The following OPCML variants were observed in gnomAD, a reference collection of about 807,000 sequenced individuals.
OPCML encodes opioid binding protein/cell adhesion molecule like.
In OPCML, 13 loss-of-function variants were observed where a neutral mutation model predicts 37.8. That is an observed-to-expected ratio of 0.34 (90% CI 0.22 to 0.55). OPCML has a LOEUF of 0.55. Ranked by LOEUF, OPCML falls within the 20% of genes least tolerant of loss-of-function variation. The pLI is 0.91. For synonymous variants in OPCML, 176 were observed against 168.8 expected (o/e 1.04, Z -0.33); for missense variants, 341 against 435.6 (o/e 0.78, Z 1.93).
intron 2 of OPCML, among the ~76,000 whole-genome samples, 198 bp downstream of exon 2, chr11:132,942,728 C>G (rs147191949): frequency 0.013 from 1,955 of 152,332 alleles, 28 homozygotes; most frequent in Non-Finnish European, 0.018. Context: ...AGATCCTGGA[C>G]CAGCATAGCC....
chr11:133,478,109 G>C (rs1352674898), intron 1 of OPCML, among the ~76,000 whole-genome samples: 3 of 152,128 alleles, frequency 2.0e-5, no homozygotes, highest in African/African-American at 7.2e-5. Flanking sequence ...ATTGGAAAAG[G>C]GGCAAATCTG....
intron 1 of OPCML, among the ~76,000 whole-genome samples, chr11:133,478,619 T>C (rs565396668): frequency 1.3e-5 from 2 of 152,310 alleles, no homozygotes; most frequent in African/African-American, 4.8e-5. Context: ...GTAACACAAA[T>C]GGAGTAAGAC....
intron 4 of OPCML, among the ~76,000 whole-genome samples, chr11:132,504,125 T>G (rs942526589): frequency 6.6e-6 from 1 of 152,190 alleles, no homozygotes; most frequent in African/African-American, 2.4e-5. Context: ...TGAAGAATAA[T>G]CTAGTTCCTA....
chr11:133,039,635 A>G lies in OPCML; in HGVS notation c.62-96625T>C, dbSNP rs78848871. Among the ~76,000 whole-genome samples the G allele has an allele frequency of 6.9e-3, 1,051 of 152,268 alleles. 11 individuals are homozygous for G. Among genetic ancestry groups the G allele is most frequent in the African/African-American group, 0.024 (988 of 41,556 alleles). On this transcript the variant is annotated intron_variant, in intron 1 of 7. Coordinates refer to ENST00000524381, the MANE Select transcript of OPCML (RefSeq NM_001012393.5). The stretch of plus-strand genomic sequence containing the variant: ...CCCCAGATGCCAGGACCAGGGAGGT[A>G]CGGCTCATGAATCCCAGTGGCCTCA...
chr11:132,687,533 G>A (rs1943219828), intron 2 of OPCML, among the ~76,000 whole-genome samples: 1 of 149,648 alleles, frequency 6.7e-6, no homozygotes, highest in Admixed American at 6.7e-5. Context: ...CCTTTCCTCA[G>A]CATAGAAAAT....
intron 1 of OPCML, among the ~76,000 whole-genome samples, chr11:133,207,256 A>C (rs961072578): frequency 2.0e-5 from 3 of 152,018 alleles, no homozygotes; most frequent in South Asian, 2.1e-4. Context: ...GCCGAGATCA[A>C]GCCACTGCCC....
chr11:133,111,738 G>T (rs1949256243), intron 1 of OPCML, among the ~76,000 whole-genome samples: 1 of 152,192 alleles, frequency 6.6e-6, no homozygotes, highest in Admixed American at 6.5e-5. Context: ...GCCAGGAAGG[G>T]TGTTTTGTTT....
chr11:133,239,273 C>T (rs1279306427), intron 1 of OPCML, among the ~76,000 whole-genome samples: 1 of 152,236 alleles, frequency 6.6e-6, no homozygotes, highest in Non-Finnish European at 1.5e-5. Flanking sequence ...GTCTGACATT[C>T]TTTTGCCAGC....
chr11:132,665,347 A>AG (rs1485958594), intron 2 of OPCML, among the ~76,000 whole-genome samples: 1 of 152,206 alleles, frequency 6.6e-6, no homozygotes, highest in African/African-American at 2.4e-5. Context: ...GACGCAAACA[A>AG]GGGGAATCTC....
At chr11:133,305,284 G>T (rs184027687) in intron 1 of OPCML, among the ~76,000 whole-genome samples, 2 of 152,106 alleles carry the variant, frequency 1.3e-5, no homozygotes, top group Non-Finnish European at 2.9e-5. Context: ...CTTCCCCCCT[G>T]TACCCCTCTC....
chr11:132,613,827 G>A (rs1394477096), intron 3 of OPCML, among the ~76,000 whole-genome samples: 1 of 152,098 alleles, frequency 6.6e-6, no homozygotes, highest in Non-Finnish European at 1.5e-5. Context: ...GAAATTTCTA[G>A]GAGCACATTA....
At chr11:133,034,134 T>C (rs766497067) in intron 1 of OPCML, among the ~76,000 whole-genome samples, 11 of 152,176 alleles carry the variant, frequency 7.2e-5, no homozygotes, top group African/African-American at 2.4e-4. Flanking sequence ...GCTGAGGGGA[T>C]GCTCCTATAG....
intron 1 of OPCML, among the ~76,000 whole-genome samples, chr11:133,280,094 A>G (rs752467138): frequency 2.0e-5 from 3 of 152,204 alleles, no homozygotes; most frequent in South Asian, 4.1e-4. Flanking sequence ...GTGAAGATGG[A>G]TATGGCCTCT....
intron 4 of OPCML, among the ~76,000 whole-genome samples, chr11:132,468,598 T>C (rs1044953578): frequency 1.3e-5 from 2 of 152,210 alleles, no homozygotes; most frequent in Non-Finnish European, 2.9e-5. Context: ...AAATTGATTC[T>C]TTCAGAAAAC....
chr11:133,236,714 T>C (rs1940533685), intron 1 of OPCML, among the ~76,000 whole-genome samples: 2 of 152,252 alleles, frequency 1.3e-5, no homozygotes, highest in South Asian at 2.1e-4. Flanking sequence ...GGTCATAGCC[T>C]GTTCCTCTTC....
At chr11:132,689,235 A>G (rs1943305482) in intron 2 of OPCML, among the ~76,000 whole-genome samples, 1 of 152,182 alleles carries the variant, frequency 6.6e-6, no homozygotes, top group Non-Finnish European at 1.5e-5. Flanking sequence ...AGATTGTTAC[A>G]TTGGGATTTT....
intron 1 of OPCML, among the ~76,000 whole-genome samples, chr11:133,100,555 G>A (rs1949070904): frequency 6.6e-6 from 1 of 152,164 alleles, no homozygotes; most frequent in African/African-American, 2.4e-5. Context: ...GACACTACCT[G>A]ACTTCAAGAC....
At chr11:133,140,995 GAA>G (rs1392744474) in intron 1 of OPCML, among the ~76,000 whole-genome samples, 4 of 5,272 alleles carry the variant, frequency 7.6e-4, no homozygotes, top group Non-Finnish European at 8.6e-4. Context: ...AGAAGAAGAA[GAA>G]GACGACGACG....
In OPCML at chr11:133,211,782, T is replaced by C. The variant is rs1939370791; in HGVS notation, c.62-268772A>G. On this transcript the variant is annotated intron_variant, in intron 1 of 7. Transcript: ENST00000524381. The surrounding 1 kb of genome is among the most constrained non-coding windows in gnomAD (Gnocchi z 4.1). The stretch of plus-strand genomic sequence containing the variant: ...CATTATCACAACACGCTTTTCACAA[T>C]TTTTTTAAGTCTTACAACAATCCTA... 2.0e-5 allele frequency among the ~76,000 whole-genome samples: 3 copies of C among 152,156 alleles called. No individual in the cohort carries two copies.
Sources: allele counts gnomAD v4.1 joint callset (sites outside exome capture counted in the v4.1 genomes callset), GRCh38; gene constraint gnomAD v4.1.1; non-coding constraint Gnocchi (gnomAD v3.1); transcripts MANE v1.5; gene names NCBI Gene and HGNC (gene_info 2026-07-23, HGNC 2026-07-21).